RTL4: variants seen among roughly 807,000 people sequenced by gnomAD.
The protein encoded by RTL4 is retrotransposon Gag like 4.
RTL4 carries 4 observed loss-of-function variants against 5.3 expected under a neutral mutation model. The ratio of observed to expected loss-of-function variants is 0.75; its 90% confidence interval spans 0.37 to 1.72. RTL4 has a LOEUF of 1.72. Ranked by LOEUF, RTL4 falls within the 40% of genes most tolerant of loss-of-function variation. RTL4 has a pLI of 0.04. For missense variants in RTL4, 260 were observed against 227.1 expected, an observed-to-expected ratio of 1.14 and a Z score of -0.93; for synonymous variants, 98 against 87.3, an observed-to-expected ratio of 1.12 and a Z score of -0.68.
chrX:112,161,789 C>CTTCT, the RTL4 span, among the ~76,000 whole-genome samples: 1 of 20,842 alleles, frequency 4.8e-5, no homozygotes, highest in African/African-American at 1.9e-4. Context: ...GGTTGCTTTT[C>CTTCT]TTCCTTCCTT....
At chrX:112,452,571 G>T (rs1926758760), upstream of RTL4, among the ~76,000 whole-genome samples, 1 of 110,894 alleles carries the variant, frequency 9.0e-6, no homozygotes, top group Admixed American at 9.6e-5. Context: ...AAAAAGGAGG[G>T]TATGATAGTA....
At chrX:112,274,733 A>G in the RTL4 span, among the ~76,000 whole-genome samples, 1 of 111,692 alleles carries the variant, frequency 9.0e-6, no homozygotes, top group South Asian at 3.8e-4. Flanking sequence ...CCTTTTCCAC[A>G]TGGTCTTGAC....
chrX:112,327,169 G>A, the RTL4 span, among the ~76,000 whole-genome samples: 2 of 112,279 alleles, frequency 1.8e-5, no homozygotes, highest in Non-Finnish European at 3.8e-5. Flanking sequence ...TGACTTTGAC[G>A]AGCTCAGTGA....
the RTL4 span, among the ~76,000 whole-genome samples, chrX:112,393,444 A>C: frequency 2.7e-5 from 3 of 110,904 alleles, no homozygotes; most frequent in Admixed American, 9.6e-5. Context: ...CAGCCCATCC[A>C]TCCTTCTGGG....
At chrX:112,410,150 T>A in the RTL4 span, among the ~76,000 whole-genome samples, 1 of 112,018 alleles carries the variant, frequency 8.9e-6, no homozygotes, top group Admixed American at 9.5e-5. Flanking sequence ...TATATAGTGA[T>A]AAAGGGGTCG....
the RTL4 span, among the ~76,000 whole-genome samples, chrX:112,247,033 C>T: frequency 9.0e-6 from 1 of 111,478 alleles, no homozygotes; most frequent in Admixed American, 9.6e-5. Context: ...CTGCACAATA[C>T]ATTATAAATT....
At chrX:112,448,165 G>A in the RTL4 span, among the ~76,000 whole-genome samples, 1 of 112,003 alleles carries the variant, frequency 8.9e-6, no homozygotes, top group African/African-American at 3.2e-5. Context: ...GGAGCATGAA[G>A]GCAGGAAAAG....
chrX:112,447,290 T>C, the RTL4 span, among the ~76,000 whole-genome samples: 3 of 111,743 alleles, frequency 2.7e-5, no homozygotes, highest in African/African-American at 9.8e-5. Flanking sequence ...CTCTAGAAAA[T>C]AGTGGCTTCT....
At chrX:112,263,913 A>T in the RTL4 span, among the ~76,000 whole-genome samples, 1 of 111,898 alleles carries the variant, frequency 8.9e-6, no homozygotes, top group East Asian at 2.8e-4. Flanking sequence ...TAAATATTTT[A>T]AAATAAAAGG....
chrX:112,109,467 C>A, the RTL4 span, among the ~76,000 whole-genome samples: 2 of 111,403 alleles, frequency 1.8e-5, no homozygotes, highest in Non-Finnish European at 1.9e-5. Flanking sequence ...TTATTTGTCC[C>A]CACCCACCTC....
chrX:112,354,290 A>G, the RTL4 span, among the ~76,000 whole-genome samples: 1 of 111,132 alleles, frequency 9.0e-6, no homozygotes, highest in African/African-American at 3.3e-5. Context: ...ACAGTGGACA[A>G]TTTGCCTAGC....
the RTL4 span, among the ~76,000 whole-genome samples, chrX:112,200,732 G>A: frequency 8.6e-3 from 964 of 112,015 alleles, 11 homozygotes; most frequent in African/African-American, 0.029. Context: ...CAGAAGTCAG[G>A]GTGGAAACAC....
chrX:112,393,161 G>GTTTTTTTTT, the RTL4 span, among the ~76,000 whole-genome samples: 1 of 71,299 alleles, frequency 1.4e-5, no homozygotes, highest in Non-Finnish European at 2.8e-5. Context: ...TTTTTTTTTT[G>GTTTTTTTTT]TTTTTTTTTT....
the RTL4 span, among the ~76,000 whole-genome samples, chrX:112,336,577 G>C: frequency 8.9e-6 from 1 of 111,871 alleles, no homozygotes. Flanking sequence ...TTCTAAAACC[G>C]TACTGTGCAA....
chrX:112,263,931 A>AG, the RTL4 span, among the ~76,000 whole-genome samples: 1 of 111,799 alleles, frequency 8.9e-6, no homozygotes, highest in Non-Finnish European at 1.9e-5. Flanking sequence ...AGGAAGAGAG[A>AG]GGAGTTTAAG....
chrX:112,424,326 T>G, the RTL4 span, among the ~76,000 whole-genome samples: 2 of 111,761 alleles, frequency 1.8e-5, no homozygotes, highest in African/African-American at 6.5e-5. Flanking sequence ...ACTTACAGAT[T>G]CTCTTTGGTC....
At chrX:112,197,105 C>G in the RTL4 span, among the ~76,000 whole-genome samples, 1 of 93,069 alleles carries the variant, frequency 1.1e-5, no homozygotes, top group Non-Finnish European at 2.1e-5. Flanking sequence ...AACAACAACT[C>G]AATAGCAAGA....
At chrX:112,303,670 G>A in the RTL4 span, among the ~76,000 whole-genome samples, 24,942 of 89,365 alleles carry the variant, frequency 0.28, 4,898 homozygotes, top group African/African-American at 0.57. Flanking sequence ...TGATGAGTTA[G>A]TGGGTGCAGC....
the RTL4 span, among the ~76,000 whole-genome samples, chrX:112,159,490 C>T: frequency 8.9e-6 from 1 of 111,869 alleles, no homozygotes; most frequent in Non-Finnish European, 1.9e-5. Context: ...GTACCAAAGA[C>T]ATCCAGCGGG....
Sources: gnomAD v4.1 joint callset for allele counts (sites outside exome capture counted in the v4.1 genomes callset) on GRCh38, gnomAD v4.1.1 for gene constraint, MANE v1.5 for transcripts, NCBI Gene and HGNC (gene_info 2026-07-23, HGNC 2026-07-21) for gene names.